The following RIMS1 variants were observed in gnomAD, a reference collection of about 807,000 sequenced individuals.
The protein encoded by RIMS1 is regulating synaptic membrane exocytosis 1, also known as regulating synaptic membrane exocytosis protein 1.
RIMS1 carries 83 observed loss-of-function variants against 214.1 expected under a neutral mutation model. That is an observed-to-expected ratio of 0.39 (90% CI 0.32 to 0.47). The LOEUF is 0.47. Ranked by LOEUF, RIMS1 falls within the 20% of genes least tolerant of loss-of-function variation. The pLI, the probability that RIMS1 is intolerant of heterozygous loss-of-function variation, is 0.99. For synonymous variants in RIMS1, 793 were observed against 786.8 expected (o/e 1.01, Z -0.13); for missense variants, 2,050 against 2,161.8 (o/e 0.95, Z 1.03).
At chr6:72,227,293 T>C (rs2060479388) in intron 6 of RIMS1, among the ~76,000 whole-genome samples, 1 of 152,182 alleles carries the variant, frequency 6.6e-6, no homozygotes, top group East Asian at 1.9e-4. Flanking sequence ...CTTATAATTA[T>C]ATAAAAATGC....
At chr6:72,101,459 A>G (rs1024119036) in intron 4 of RIMS1, among the ~76,000 whole-genome samples, 3 of 151,962 alleles carry the variant, frequency 2.0e-5, no homozygotes, top group Non-Finnish European at 4.4e-5. Flanking sequence ...CTGAAGCCAC[A>G]TTTTGTCTTA....
chr6:72,397,732 T>G (rs2098795137), intron 31 of RIMS1, among the ~76,000 whole-genome samples: 1 of 152,138 alleles, frequency 6.6e-6, no homozygotes, highest in Non-Finnish European at 1.5e-5. Context: ...TAATAGGTAA[T>G]GACATGTCCA....
chr6:72,178,337 T>C (rs1387095470), intron 4 of RIMS1, among the ~76,000 whole-genome samples: 1 of 152,226 alleles, frequency 6.6e-6, no homozygotes, highest in Non-Finnish European at 1.5e-5. Context: ...ATTCTATGGC[T>C]ACAGTTACAG....
intron 4 of RIMS1, among the ~76,000 whole-genome samples, chr6:72,110,837 A>G (rs976626890): frequency 2.0e-5 from 3 of 152,058 alleles, no homozygotes; most frequent in East Asian, 3.9e-4. Flanking sequence ...TTGGCTGTGG[A>G]TTTGTCATAG....
At chr6:72,108,370 G>A (rs896456923) in intron 4 of RIMS1, among the ~76,000 whole-genome samples, 1 of 152,144 alleles carries the variant, frequency 6.6e-6, no homozygotes, top group Non-Finnish European at 1.5e-5. Context: ...GATTACAGTT[G>A]TGAGCCACTG....
intron 1 of RIMS1, among the ~76,000 whole-genome samples, chr6:71,907,217 G>A (rs1423731868): frequency 6.6e-6 from 1 of 152,112 alleles, no homozygotes; most frequent in African/African-American, 2.4e-5. Flanking sequence ...TACTAAGGAA[G>A]CATTTTGGCT....
At chr6:72,083,529 T>A (rs1231820070) in intron 2 of RIMS1, among the ~76,000 whole-genome samples, 6 of 152,108 alleles carry the variant, frequency 3.9e-5, no homozygotes, top group African/African-American at 7.2e-5. Context: ...TATTGATAGA[T>A]CATCCAAGCC....
chr6:71,998,080 A>C (rs180938384), intron 2 of RIMS1, among the ~76,000 whole-genome samples: 4 of 152,328 alleles, frequency 2.6e-5, no homozygotes, highest in Admixed American at 2.6e-4. Flanking sequence ...AGCTTCTCTC[A>C]GGATGGGATC....
chr6:72,237,269 GGAAAGAAAGAAAAGA>G (rs2064587551), intron 8 of RIMS1, among the ~76,000 whole-genome samples: 1 of 151,132 alleles, frequency 6.6e-6, no homozygotes, highest in African/African-American at 2.4e-5. Context: ...AGGGAGGAAG[GGAAAGAAAGAAAAGA>G]GAAAGAAAGA....
intron 4 of RIMS1, among the ~76,000 whole-genome samples, chr6:72,145,793 C>T (rs2042668038): frequency 1.3e-5 from 2 of 152,066 alleles, no homozygotes; most frequent in Non-Finnish European, 2.9e-5. Context: ...CAAAAACAAA[C>T]AAACAACAAC....
At chr6:72,290,917 G>GTGTTGTACCTTCC (rs1311606613) in intron 25 of RIMS1, 56 bp downstream of exon 25, 1 of 1,530,508 alleles carries the variant, frequency 6.5e-7, no homozygotes, top group Non-Finnish European at 9.0e-7. Context: ...TGTTGGTGTG[G>GTGTTGTACCTTCC]TGTTGTACCT....
intron 28 of RIMS1, 50 bp from the exon 29 acceptor site, chr6:72,333,550 G>T: frequency 1.5e-6 from 2 of 1,345,834 alleles, no homozygotes; most frequent in African/African-American, 2.9e-5. Context: ...TTTCAGTGAT[G>T]CTGACCTGTA....
intron 2 of RIMS1, among the ~76,000 whole-genome samples, chr6:72,012,216 A>C (rs182095400): frequency 1.2e-3 from 177 of 152,320 alleles, no homozygotes; most frequent in African/African-American, 4.1e-3. Flanking sequence ...CATTCTCAGC[A>C]AACTATCACA....
chr6:72,325,668 G>T (rs947941969), intron 28 of RIMS1, among the ~76,000 whole-genome samples: 1 of 151,700 alleles, frequency 6.6e-6, no homozygotes, highest in African/African-American at 2.4e-5. Context: ...ATGTGCATAA[G>T]CCCTCAACAC....
At chr6:72,003,406 C>T (rs1363946771) in intron 2 of RIMS1, among the ~76,000 whole-genome samples, 1 of 152,012 alleles carries the variant, frequency 6.6e-6, no homozygotes, top group Non-Finnish European at 1.5e-5. Context: ...AGAATGCCTT[C>T]CTGCTTGCCT....
chr6:72,020,209 A>T (rs192113019), intron 2 of RIMS1, among the ~76,000 whole-genome samples: 231 of 152,314 alleles, frequency 1.5e-3, no homozygotes, highest in Non-Finnish European at 2.9e-3. Context: ...AATTGCTACT[A>T]ATACTATAAT....
intron 2 of RIMS1, among the ~76,000 whole-genome samples, chr6:72,027,530 C>A (rs1039159899): frequency 6.6e-6 from 1 of 151,946 alleles, no homozygotes; most frequent in African/African-American, 2.4e-5. Flanking sequence ...TATAAATATT[C>A]CCTTTTTACA....
intron 4 of RIMS1, among the ~76,000 whole-genome samples, chr6:72,154,752 G>T (rs2044216817): frequency 7.1e-6 from 1 of 140,584 alleles, no homozygotes; most frequent in Non-Finnish European, 1.6e-5. Flanking sequence ...TTTCCTCAAG[G>T]TGGTACAGCT....
chr6:72,150,519 C>T (rs968484992), intron 4 of RIMS1, among the ~76,000 whole-genome samples: 3 of 152,086 alleles, frequency 2.0e-5, no homozygotes, highest in Non-Finnish European at 4.4e-5. Flanking sequence ...GACTTTTTCT[C>T]GTATTTGTGA....
Sources: allele counts gnomAD v4.1 joint callset (sites outside exome capture counted in the v4.1 genomes callset), GRCh38; gene constraint gnomAD v4.1.1; transcripts MANE v1.5; gene names NCBI Gene and HGNC (gene_info 2026-07-23, HGNC 2026-07-21).